Variants in KIAA1217 observed in about 807,000 individuals in gnomAD.
KIAA1217 encodes KIAA1217.
Under a neutral mutation model 163.9 loss-of-function variants are expected in KIAA1217, and 88 were observed. The ratio of observed to expected loss-of-function variants is 0.54; its 90% confidence interval spans 0.45 to 0.64. KIAA1217 has a LOEUF of 0.64. Ranked by LOEUF, KIAA1217 falls within the 30% of genes least tolerant of loss-of-function variation. The pLI is 0.00. For synonymous variants in KIAA1217, 903 were observed against 923.1 expected, an observed-to-expected ratio of 0.98 and a Z score of 0.39; for missense variants, 2,372 against 2,475.0, an observed-to-expected ratio of 0.96 and a Z score of 0.88.
chr10:24,361,351 C>A (rs1479935731), intron 2 of KIAA1217, among the ~76,000 whole-genome samples: 2 of 151,934 alleles, frequency 1.3e-5, no homozygotes, highest in African/African-American at 2.4e-5. Flanking sequence ...CCATGCCTGG[C>A]GAATTTTTGT....
chr10:23,715,458 T>C (rs750428344), intron 1 of KIAA1217, among the ~76,000 whole-genome samples: 1 of 152,180 alleles, frequency 6.6e-6, no homozygotes. Context: ...CATTAGAATA[T>C]GTGATGTAAG....
chr10:24,419,307 G>T (rs1446430258), intron 3 of KIAA1217, among the ~76,000 whole-genome samples: 2 of 152,124 alleles, frequency 1.3e-5, no homozygotes, highest in East Asian at 3.8e-4. Flanking sequence ...TGAGTGCTCT[G>T]TGGGAGGGGA....
Position 24,543,544 on chromosome 10 carries a change from G to A in KIAA1217, c.4274G>A (p.Arg1425Gln), listed in dbSNP as rs758462012. ...NIDARKEMTP[R>Q]QEGTDNEDPV... The stretch of plus-strand genomic sequence containing the variant: ...GATGCCAGAAAAGAGATGACCCCCC[G>A]ACAAGAAGGGACTGACAATGAGGAT... Residue 1425 changes from arginine to glutamine, a missense_variant, in exon 19 of 21, where the codon CGA becomes CAA. This residue lies in a region of KIAA1217 where 690 missense variants were observed against 677.5 expected (regional missense o/e 1.02). Coordinates refer to ENST00000376454, the MANE Select transcript of KIAA1217 (RefSeq NM_019590.5). The A allele has an allele frequency of 1.5e-5, 25 of 1,614,098 alleles. No individual in the cohort carries two copies. The highest frequency in any genetic ancestry group is 2.2e-5 in the South Asian group (2 of 91,070).
intron 2 of KIAA1217, among the ~76,000 whole-genome samples, chr10:24,360,180 G>A (rs1356524090): frequency 2.0e-5 from 3 of 150,772 alleles, no homozygotes; most frequent in Non-Finnish European, 3.0e-5. Flanking sequence ...CCGAGTAGCT[G>A]GGATTACAGG....
chr10:23,903,858 T>C (rs1842046785), intron 1 of KIAA1217, among the ~76,000 whole-genome samples: 1 of 152,100 alleles, frequency 6.6e-6, no homozygotes, highest in Non-Finnish European at 1.5e-5. Context: ...GCTTCCCTTA[T>C]ATTAAATGAA....
At chr10:24,137,650 T>G (rs905533392) in intron 2 of KIAA1217, among the ~76,000 whole-genome samples, 3 of 152,224 alleles carry the variant, frequency 2.0e-5, no homozygotes, top group Admixed American at 2.0e-4. Context: ...TGACATGCCA[T>G]TTGTAACTCT....
intron 2 of KIAA1217, among the ~76,000 whole-genome samples, chr10:24,137,381 TAG>T (rs2063874480): frequency 6.6e-6 from 1 of 152,198 alleles, no homozygotes; most frequent in Non-Finnish European, 1.5e-5. Flanking sequence ...AGGGCATCCC[TAG>T]GCCCCCAGGA....
intron 1 of KIAA1217, among the ~76,000 whole-genome samples, chr10:23,870,050 A>G (rs1442995126): frequency 6.6e-6 from 1 of 152,176 alleles, no homozygotes; most frequent in African/African-American, 2.4e-5. Flanking sequence ...GCAGGGTAAT[A>G]CGTGAACATG....
chr10:23,829,171 A>T (rs1345119111), intron 1 of KIAA1217, among the ~76,000 whole-genome samples: 2 of 152,220 alleles, frequency 1.3e-5, no homozygotes, highest in Non-Finnish European at 1.5e-5. Context: ...GCATTTTCAG[A>T]TACATTGGCT....
At chr10:24,222,955 C>A (rs1430221751) in intron 2 of KIAA1217, among the ~76,000 whole-genome samples, 1 of 152,140 alleles carries the variant, frequency 6.6e-6, no homozygotes, top group African/African-American at 2.4e-5. Flanking sequence ...CCTTTTTAGA[C>A]CATATAGGAT....
At chr10:24,545,315 G>T (rs1009403482) in intron 20 of KIAA1217, 1 of 1,403,490 alleles carries the variant, frequency 7.1e-7, no homozygotes, top group African/African-American at 1.4e-5. Context: ...TTTACTTTGT[G>T]ACTCCAAACT....
intron 1 of KIAA1217, among the ~76,000 whole-genome samples, chr10:23,984,821 A>G (rs1229440842): frequency 6.6e-6 from 1 of 152,094 alleles, no homozygotes; most frequent in African/African-American, 2.4e-5. Flanking sequence ...TGCGGGGCTT[A>G]AAACCGAGAT....
chr10:23,943,146 C>G (rs1382022760), intron 1 of KIAA1217, among the ~76,000 whole-genome samples: 1 of 151,560 alleles, frequency 6.6e-6, no homozygotes, highest in Non-Finnish European at 1.5e-5. Context: ...AAAGAAAATT[C>G]ACATATATTT....
In KIAA1217 at chr10:23,790,155, GCATATACA is replaced by G. The variant is rs1243961290; in HGVS notation, c.-321+94935_-321+94942del. On this transcript the variant is annotated intron_variant, in intron 1 of 18. Transcript: ENST00000376462. ...TATGCATATACACATATACACATAT[GCATATACA>G]CATATACACATATGCATATACACAT... is the stretch of plus-strand genomic sequence containing the variant. 7.0e-4 allele frequency among the ~76,000 whole-genome samples: 34 copies of G among 48,710 alleles called. 1 individual carries two copies. Among genetic ancestry groups the G allele is most frequent in the East Asian group, 1.5e-3 (3 of 1,966 alleles). The allele number at this position is 48,710 out of a possible 152,430, so 32.0% of individuals were successfully genotyped here.
intron 2 of KIAA1217, among the ~76,000 whole-genome samples, chr10:24,280,795 G>A (rs982414856): frequency 1.4e-5 from 2 of 145,386 alleles, no homozygotes; most frequent in Non-Finnish European, 3.0e-5. Context: ...GGGCAACAGA[G>A]CGAGACTCCG....
Position 23,776,358 on chromosome 10 carries a change from A to ATT in KIAA1217, c.-321+81126_-321+81127dup, listed in dbSNP as rs35867161. On this transcript the variant is annotated intron_variant, in intron 1 of 18. Transcript: ENST00000376462. ...ATTGGAAATATATATATATATATAT[A>ATT]TTTACAATTTTTCATCTATGATGAA... Among the ~76,000 whole-genome samples, 772 of 77,560 alleles carry ATT rather than the reference A, an allele frequency of 1.0e-2. 7 individuals carry two copies. The highest frequency in any genetic ancestry group is 0.038 in the African/African-American group (729 of 19,118). 50.9% of individuals were successfully genotyped at this position (77,560 alleles called of 152,430 possible).
intron 2 of KIAA1217, chr10:24,275,789 T>G: frequency 1.9e-6 from 1 of 516,130 alleles, no homozygotes; most frequent in Non-Finnish European, 3.9e-6. Context: ...CTTGGCTTTA[T>G]TGACTTTTAG....
chr10:23,934,443 GCA>G (rs1160654033), intron 1 of KIAA1217, among the ~76,000 whole-genome samples: 20 of 149,862 alleles, frequency 1.3e-4, no homozygotes, highest in African/African-American at 4.9e-4. Flanking sequence ...AACCACCATG[GCA>G]CACGTATACC....
At position 24,434,037 on chromosome 10, in the gene KIAA1217, T is replaced by C. The variant is rs926777731; in HGVS notation, c.752+844T>C. 1.9e-4 allele frequency among the ~76,000 whole-genome samples: 26 copies of C among 133,624 alleles called. 1 individual carries two copies. The highest frequency in any genetic ancestry group is 3.0e-4 in the Non-Finnish European group (18 of 60,728). The allele number at this position is 133,624 out of a possible 152,430, so 87.7% of individuals were successfully genotyped here. A position where few individuals can be genotyped will look rare whatever the true frequency, so the allele number is the denominator to read the frequency against. On this transcript the variant is annotated intron_variant, in intron 4 of 20. Transcript: ENST00000376454. Reference sequence around the variant, plus strand: ...TCTCTCTCTCTCTCTTTTTTTTTTTTTTTTTTTTTTTTTTTTTATGAGACA... The same window carrying C: ...TCTCTCTCTCTCTCTTTTTTTTTTTCTTTTTTTTTTTTTTTTTATGAGACA...
Sources: allele counts gnomAD v4.1 joint callset (sites outside exome capture counted in the v4.1 genomes callset), GRCh38; gene constraint gnomAD v4.1.1; regional missense constraint gnomAD v4.1.1; transcripts MANE v1.5; gene names NCBI Gene and HGNC (gene_info 2026-07-23, HGNC 2026-07-21).